EYA4: variants seen among roughly 807,000 people sequenced by gnomAD.
EYA4 encodes the protein EYA transcriptional coactivator and phosphatase 4.
Under a neutral mutation model 87.9 loss-of-function variants are expected in EYA4, and 31 were observed. The observed-to-expected ratio is 0.35, with a 90% CI of 0.27 to 0.48. EYA4 has a LOEUF of 0.48. Among genes scored for constraint, EYA4 ranks in the 20% least tolerant of loss-of-function variants. The pLI, the probability that EYA4 is intolerant of heterozygous loss-of-function variation, is 0.99. For synonymous variants in EYA4, 263 were observed against 270.6 expected (o/e 0.97, Z 0.28); for missense variants, 678 against 761.4 (o/e 0.89, Z 1.29).
intron 3 of EYA4, among the ~76,000 whole-genome samples, chr6:133,384,342 A>G (rs1442918056): frequency 6.6e-6 from 1 of 152,180 alleles, no homozygotes; most frequent in Non-Finnish European, 1.5e-5. Context: ...TGCTTAAAAT[A>G]TATTTGTCAT....
At chr6:133,419,648 A>T (rs1790048234) in intron 3 of EYA4, among the ~76,000 whole-genome samples, 1 of 152,200 alleles carries the variant, frequency 6.6e-6, no homozygotes, top group Non-Finnish European at 1.5e-5. Context: ...TGTTCACTCT[A>T]TGTGGACATC....
At position 133,415,977 on chromosome 6, in the gene EYA4, C is replaced by T. The variant is rs150082233; in HGVS notation, c.84-30653C>T. Among the ~76,000 whole-genome samples the T allele has an allele frequency of 2.0e-3, 297 of 152,290 alleles. 8 individuals are homozygous for T. The East Asian group carries it at 0.051, about 26-fold the overall frequency. ...GCAAATGGTAAAGCCTTTGCTAATCCCTTAAGGATAAGTTGGAGTCTGTCA... is the reference window on the plus strand; with the variant it reads ...GCAAATGGTAAAGCCTTTGCTAATCTCTTAAGGATAAGTTGGAGTCTGTCA... On this transcript the variant is annotated intron_variant, in intron 3 of 19. Coordinates refer to ENST00000355286, the MANE Select transcript of EYA4 (RefSeq NM_004100.5).
At chr6:133,440,971 A>G (rs1792218450) in intron 3 of EYA4, among the ~76,000 whole-genome samples, 1 of 152,130 alleles carries the variant, frequency 6.6e-6, no homozygotes, top group Non-Finnish European at 1.5e-5. Context: ...TCAGAATTTG[A>G]CTGATGTGTT....
chr6:133,462,840 T>TATCC, intron 9 of EYA4, 76 bp downstream of exon 9: 1 of 1,323,802 alleles, frequency 7.6e-7, no homozygotes, highest in Non-Finnish European at 1.1e-6. Context: ...AGACTAGGAA[T>TATCC]ATCCAATCAT....
At chr6:133,302,343 A>G (rs1344689130) in intron 2 of EYA4, among the ~76,000 whole-genome samples, 1 of 152,196 alleles carries the variant, frequency 6.6e-6, no homozygotes, top group Admixed American at 6.5e-5. Flanking sequence ...CAGGAGTCCA[A>G]GATCAAAGTC....
intron 19 of EYA4, among the ~76,000 whole-genome samples, chr6:133,526,206 A>G (rs1270776195): frequency 6.6e-6 from 1 of 152,194 alleles, no homozygotes; most frequent in Non-Finnish European, 1.5e-5. Flanking sequence ...TCTACCCAAG[A>G]TAAAAGTGAT....
chr6:133,469,065 G>C (rs9493628), intron 11 of EYA4, among the ~76,000 whole-genome samples: 10,301 of 152,010 alleles, frequency 0.068, 1,163 homozygotes, highest in African/African-American at 0.23. Context: ...TTGTGCTAAA[G>C]AGACTGCATA....
intron 3 of EYA4, among the ~76,000 whole-genome samples, chr6:133,402,189 C>A (rs915278198): frequency 6.6e-6 from 1 of 151,488 alleles, no homozygotes; most frequent in Admixed American, 6.6e-5. Context: ...ACACACATAC[C>A]CCTTCTTTAC....
intron 13 of EYA4, among the ~76,000 whole-genome samples, chr6:133,489,736 G>A (rs904699723): frequency 2.0e-5 from 3 of 152,126 alleles, no homozygotes; most frequent in African/African-American, 7.2e-5. Context: ...ATCAACACTG[G>A]ATTTATCCTA....
intron 3 of EYA4, among the ~76,000 whole-genome samples, chr6:133,406,855 G>A (rs1005752513): frequency 5.3e-5 from 8 of 152,050 alleles, no homozygotes; most frequent in Non-Finnish European, 7.4e-5. Context: ...ATAGGTTTTC[G>A]AGTGTAAATT....
intron 3 of EYA4, among the ~76,000 whole-genome samples, chr6:133,420,611 A>T (rs1790137061): frequency 6.6e-6 from 1 of 152,196 alleles, no homozygotes; most frequent in Non-Finnish European, 1.5e-5. Context: ...AGGCTCTTGA[A>T]TTTACCTTTG....
chr6:133,251,659 A>G (rs917924189), intron 1 of EYA4, among the ~76,000 whole-genome samples: 3 of 152,144 alleles, frequency 2.0e-5, no homozygotes, highest in Non-Finnish European at 4.4e-5. Context: ...TTCAGGGGAT[A>G]CTGTCCTGTG....
chr6:133,528,732 T>A lies in EYA4; in HGVS notation c.1847T>A (p.Met616Lys), dbSNP rs748031092. 8 of 1,612,368 alleles carry A rather than the reference T, an allele frequency of 5.0e-6. No individual in the cohort carries two copies. The highest frequency in any genetic ancestry group is 6.8e-6 in the Non-Finnish European group (8 of 1,178,496). Residue 616 changes from methionine to lysine, a missense_variant, in exon 20 of 20, where the codon ATG becomes AAG. Coordinates refer to ENST00000355286, the MANE Select transcript of EYA4 (RefSeq NM_004100.5). Reference sequence around the variant, plus strand: ...CTTCTCCTAACCACACAGCACAACATGCCCTTCTGGAGGATATCCAGTCAC... The same window carrying A: ...CTTCTCCTAACCACACAGCACAACAAGCCCTTCTGGAGGATATCCAGTCAC... ...EEEQAAKKHN[M>K]PFWRISSHSD... is the part of the protein sequence containing the mutation.
At position 133,316,094 on chromosome 6, in the gene EYA4, A is replaced by G. The variant is rs533373660; in HGVS notation, c.33+41281A>G. The stretch of plus-strand genomic sequence containing the variant: ...CATTGATGTCCCTGTGTAGGTGGGT[A>G]TACGATACGTATGCTGGTCAAGAGG... On this transcript the variant is annotated intron_variant, in intron 2 of 19. Transcript: ENST00000355286. Among the ~76,000 whole-genome samples, 9 of 152,256 alleles carry G rather than the reference A, an allele frequency of 5.9e-5. No homozygotes were observed. In the South Asian group the frequency reaches 1.5e-3, roughly 25 times the overall value.
chr6:133,353,008 C>T (rs1352132255), intron 2 of EYA4, among the ~76,000 whole-genome samples: 2 of 152,072 alleles, frequency 1.3e-5, no homozygotes, highest in African/African-American at 4.8e-5. Flanking sequence ...AAGTTCATAG[C>T]TTATTATACT....
chr6:133,262,182 C>T (rs1357791712), intron 1 of EYA4, among the ~76,000 whole-genome samples: 1 of 152,118 alleles, frequency 6.6e-6, no homozygotes, highest in Non-Finnish European at 1.5e-5. Flanking sequence ...GTGTGTTAAG[C>T]AATATATATA....
At chr6:133,279,580 A>G (rs1224675699) in intron 2 of EYA4, among the ~76,000 whole-genome samples, 5 of 152,126 alleles carry the variant, frequency 3.3e-5, no homozygotes, top group African/African-American at 1.2e-4. Flanking sequence ...GTAGATATGA[A>G]TTGTATTTAT....
chr6:133,379,015 C>T (rs550820536), intron 2 of EYA4, among the ~76,000 whole-genome samples: 2 of 151,464 alleles, frequency 1.3e-5, no homozygotes, highest in South Asian at 4.2e-4. Flanking sequence ...GGCCCACCCC[C>T]TTGTGTGTCT....
intron 17 of EYA4, among the ~76,000 whole-genome samples, chr6:133,517,698 C>A (rs965653702): frequency 2.0e-5 from 3 of 152,046 alleles, no homozygotes; most frequent in African/African-American, 7.3e-5. Context: ...GAAGCCATGG[C>A]AGCTTAGTTT....
Sources: gnomAD v4.1 joint callset for allele counts (sites outside exome capture counted in the v4.1 genomes callset) on GRCh38, gnomAD v4.1.1 for gene constraint, MANE v1.5 for transcripts, NCBI Gene and HGNC (gene_info 2026-07-23, HGNC 2026-07-21) for gene names.